The following WWTR1 variants were observed in gnomAD, a reference collection of about 807,000 sequenced individuals.
WWTR1 encodes WW domain containing transcription regulator 1, also known as WW domain-containing transcription regulator protein 1.
In WWTR1, 13 loss-of-function variants were observed where a neutral mutation model predicts 40.1. That is an observed-to-expected ratio of 0.32 (90% CI 0.21 to 0.52). WWTR1 has a LOEUF of 0.52. WWTR1 is among the 20% of genes least tolerant of loss of function. The pLI is 0.97. For synonymous variants in WWTR1, 230 were observed against 210.1 expected (o/e 1.09, Z -0.82); for missense variants, 436 against 523.1 (o/e 0.83, Z 1.63).
At chr3:149,558,785 C>A (rs1396833242) in intron 3 of WWTR1, among the ~76,000 whole-genome samples, 1 of 152,120 alleles carries the variant, frequency 6.6e-6, no homozygotes, top group Non-Finnish European at 1.5e-5. Context: ...GTCCAGAACA[C>A]AAGGACCGAA....
chr3:149,617,970 T>A (rs978293730), intron 2 of WWTR1, among the ~76,000 whole-genome samples: 2 of 151,976 alleles, frequency 1.3e-5, no homozygotes, highest in African/African-American at 4.8e-5. Flanking sequence ...CATAGAAAAA[T>A]CTGGAAGGAT....
intron 2 of WWTR1, among the ~76,000 whole-genome samples, chr3:149,632,092 T>C (rs1448622455): frequency 6.6e-6 from 1 of 152,130 alleles, no homozygotes; most frequent in African/African-American, 2.4e-5. Flanking sequence ...TTGCATGTTT[T>C]GTAGAGACAG....
intron 2 of WWTR1, among the ~76,000 whole-genome samples, chr3:149,664,536 G>A (rs998470881): frequency 1.3e-5 from 2 of 151,758 alleles, no homozygotes; most frequent in Non-Finnish European, 2.9e-5. Flanking sequence ...ATGCATCACT[G>A]GCATGATGAT....
chr3:149,573,484 C>G (rs1737741209), intron 2 of WWTR1, among the ~76,000 whole-genome samples: 1 of 152,154 alleles, frequency 6.6e-6, no homozygotes, highest in Admixed American at 6.6e-5. Context: ...ATGAAACCAG[C>G]TTCTGAACAC....
intron 1 of WWTR1, among the ~76,000 whole-genome samples, chr3:149,693,771 T>C (rs558884736): frequency 1.4e-4 from 22 of 152,050 alleles, no homozygotes; most frequent in Admixed American, 4.6e-4. Flanking sequence ...CAAATAATGA[T>C]GGGAAAACTG....
intron 2 of WWTR1, among the ~76,000 whole-genome samples, chr3:149,647,947 A>G (rs1200467706): frequency 2.0e-5 from 3 of 152,278 alleles, no homozygotes; most frequent in Middle Eastern, 6.8e-3. Context: ...CTACCAACCA[A>G]CACCTATCTT....
rs74284411 is a variant in WWTR1, at chr3:149,667,578, C to T, written c.-4+2210G>A. On this transcript the variant is annotated intron_variant, in intron 2 of 7. Transcript: ENST00000465804. ...AAAAAAAAAAAATTATGAAAAAAAT[C>T]TTACTAATGATGTCTAGGCAACCCA... 4.3e-3 allele frequency among the ~76,000 whole-genome samples: 654 copies of T among 151,644 alleles called. 8 individuals carry two copies. The highest frequency in any genetic ancestry group is 0.036 in the South Asian group (173 of 4,796).
At chr3:149,576,981 A>C (rs748336454) in intron 2 of WWTR1, among the ~76,000 whole-genome samples, 17 of 152,228 alleles carry the variant, frequency 1.1e-4, no homozygotes, top group Non-Finnish European at 2.1e-4. Context: ...AACATGGAGA[A>C]GCCCTGTCTC....
intron 2 of WWTR1, among the ~76,000 whole-genome samples, chr3:149,665,600 A>C (rs1482997223): frequency 6.6e-6 from 1 of 152,176 alleles, no homozygotes; most frequent in Non-Finnish European, 1.5e-5. Flanking sequence ...GAAGATTCTG[A>C]TAGTTATTTG....
chr3:149,660,167 A>C (rs1713508911), upstream of WWTR1: 1 of 152,210 alleles, frequency 6.6e-6, no homozygotes, highest in Non-Finnish European at 1.5e-5. Flanking sequence ...AAGCCATCAC[A>C]GTTGCAACAA....
At chr3:149,665,486 A>G (rs1639495848) in intron 2 of WWTR1, among the ~76,000 whole-genome samples, 1 of 152,136 alleles carries the variant, frequency 6.6e-6, no homozygotes, top group Admixed American at 6.5e-5. Flanking sequence ...CAGCCTCCCA[A>G]AGTGCTGGGA....
At position 149,656,773 on chromosome 3, in the gene WWTR1, TC is replaced by T. The variant is rs1713235476; in HGVS notation, c.431+102del. ...CGCACCATCTCTCTCTTTCTCTCTCTCTCTCTCTCTCTCTCTCTCACACACA... is the reference window on the plus strand; with the variant it reads ...CGCACCATCTCTCTCTTTCTCTCTCTTCTCTCTCTCTCTCTCTCACACACA... On this transcript the variant is annotated intron_variant, in intron 2 of 6. Coordinates refer to ENST00000360632, the MANE Select transcript of WWTR1 (RefSeq NM_015472.6). The T allele has an allele frequency of 1.8e-5, 18 of 990,580 alleles. No homozygotes were observed. In the African/African-American group the frequency reaches 2.4e-4, roughly 13 times the overall value. The allele number at this position is 990,580 out of a possible 1,614,324, so 61.4% of individuals were successfully genotyped here.
At chr3:149,716,678 CAT>C (rs1715612941) in intron 5 of WWTR1, among the ~76,000 whole-genome samples, 1 of 151,988 alleles carries the variant, frequency 6.6e-6, no homozygotes, top group African/African-American at 2.4e-5. Context: ...AACAAAAAGT[CAT>C]ATTTTATTTT....
At chr3:149,672,238 G>C (rs563835130) in intron 1 of WWTR1, among the ~76,000 whole-genome samples, 1 of 152,280 alleles carries the variant, frequency 6.6e-6, no homozygotes, top group East Asian at 1.9e-4. Context: ...TTTTACCAAA[G>C]TTCGCCAACC....
chr3:149,586,756 C>T (rs563737512), intron 2 of WWTR1, among the ~76,000 whole-genome samples: 1 of 152,294 alleles, frequency 6.6e-6, no homozygotes, highest in South Asian at 2.1e-4. Flanking sequence ...CACCACATCC[C>T]AACCTTCAGG....
intron 3 of WWTR1, among the ~76,000 whole-genome samples, chr3:149,544,677 C>T (rs1298457724): frequency 6.6e-6 from 1 of 152,084 alleles, no homozygotes; most frequent in Non-Finnish European, 1.5e-5. Context: ...TCCAACTGTC[C>T]CTAGCCACCT....
intron 4 of WWTR1, among the ~76,000 whole-genome samples, chr3:149,719,166 CT>C (rs111311566): frequency 0.023 from 3,233 of 141,100 alleles, 40 homozygotes; most frequent in East Asian, 0.065. Flanking sequence ...TATTCTTTTT[CT>C]TTTTTTTTTT....
chr3:149,546,695 T>A (rs1159713144), intron 3 of WWTR1, among the ~76,000 whole-genome samples: 1 of 152,172 alleles, frequency 6.6e-6, no homozygotes, highest in East Asian at 1.9e-4. Flanking sequence ...TTTTAAAGCA[T>A]AAAACAAAAA....
chr3:149,540,039 C>A (rs1275114488), intron 4 of WWTR1, among the ~76,000 whole-genome samples: 4 of 150,096 alleles, frequency 2.7e-5, no homozygotes, highest in African/African-American at 9.8e-5. Context: ...GGCATCAGAA[C>A]ACCAGAACCA....
Sources: gnomAD v4.1 joint callset for allele counts (sites outside exome capture counted in the v4.1 genomes callset) on GRCh38, gnomAD v4.1.1 for gene constraint, MANE v1.5 for transcripts, NCBI Gene and HGNC (gene_info 2026-07-23, HGNC 2026-07-21) for gene names.